The following GCM1 variants were observed in gnomAD, a reference collection of about 807,000 sequenced individuals.
The protein encoded by GCM1 is chorion-specific transcription factor GCMa.
Under a neutral mutation model 25.7 loss-of-function variants are expected in GCM1, and 2 were observed. That is an observed-to-expected ratio of 0.08 (90% CI 0.03 to 0.24). GCM1 has a LOEUF of 0.24. Among genes scored for constraint, GCM1 ranks in the 10% least tolerant of loss-of-function variants. The pLI is 1.00. For synonymous variants in GCM1, 183 were observed against 195.7 expected (o/e 0.94, Z 0.54); for missense variants, 395 against 538.7 (o/e 0.73, Z 2.64).
intron 2 of GCM1, among the ~76,000 whole-genome samples, chr6:53,136,149 C>T (rs1029072226): frequency 6.6e-6 from 1 of 152,244 alleles, no homozygotes; most frequent in African/African-American, 2.4e-5. Context: ...CTGCAGTGTG[C>T]AAACTAGGGC....
At chr6:53,130,982 T>TG (rs756339485) in intron 4 of GCM1, 51 bp from the exon 5 acceptor site, 1 of 1,520,826 alleles carries the variant, frequency 6.6e-7, no homozygotes, top group South Asian at 1.1e-5. Flanking sequence ...CTAACTAGAC[T>TG]GTGTTTCATG....
At chr6:53,139,150 T>C (rs1000053844) in intron 2 of GCM1, among the ~76,000 whole-genome samples, 4 of 152,058 alleles carry the variant, frequency 2.6e-5, no homozygotes, top group African/African-American at 9.7e-5. Context: ...TATTTCTAAA[T>C]AGAACAGGAA....
chr6:53,128,349 G>C lies in GCM1; in HGVS notation c.1168C>G (p.Leu390Val). Residue 390 changes from leucine (L) to valine (V), a missense_variant, in exon 6 of 6, where the codon CTC (leucine) becomes GTC (valine). Physicochemically the swap from Leu to Val is conservative, Grantham distance 32. Coordinates refer to ENST00000259803, the MANE Select transcript of GCM1 (RefSeq NM_003643.4). ...AYHSPQEDPFLFTYASHPHQQ... is the reference protein window; with the variant it reads ...AYHSPQEDPFVFTYASHPHQQ... ...TGAGGATGAGAGGCGTAGGTGAAGA[G>C]AAAGGGGTCTTCTTGAGGTGAATGG... is the stretch of plus-strand genomic sequence containing the variant. 1 of 1,614,060 alleles carries C rather than the reference G, an allele frequency of 6.2e-7. No homozygotes were observed. The highest frequency in any genetic ancestry group is 8.5e-7 in the Non-Finnish European group (1 of 1,179,912).
At chr6:53,134,926 G>A (rs1763777718) in intron 2 of GCM1, among the ~76,000 whole-genome samples, 1 of 152,194 alleles carries the variant, frequency 6.6e-6, no homozygotes. Context: ...GATAAGCAGT[G>A]GGAGGGATGA....
At chr6:53,148,639 A>G (rs769744028) in intron 1 of GCM1, 115 bp downstream of exon 1, 7 of 152,178 alleles carry the variant, frequency 4.6e-5, no homozygotes, top group Non-Finnish European at 8.8e-5. Context: ...AGTATATTCA[A>G]TTTTCATCAT....
rs1316674427 is a variant in GCM1 at position 53,128,190 on chromosome 6, T to C, written c.*16A>G. 4.4e-6 allele frequency: 7 copies of C among 1,592,884 alleles called. No homozygotes were observed. Among genetic ancestry groups the C allele is most frequent in the South Asian group, 1.1e-5 (1 of 90,264 alleles). ...CATTTTTGAGGGGCTGGGGTGCACA[T>C]AGTGAAAGATTTGGGTCATCTCAAA... On this transcript the variant is annotated 3_prime_UTR_variant, in exon 6 of 6. Transcript: ENST00000259803.
At chr6:53,148,581 G>GA (rs1763997991) in intron 1 of GCM1, among the ~76,000 whole-genome samples, 173 bp downstream of exon 1, 2 of 152,254 alleles carry the variant, frequency 1.3e-5, no homozygotes, top group East Asian at 3.9e-4. Context: ...TTCTAGGATT[G>GA]AAAAACTACA....
In GCM1 at chr6:53,128,373, G is replaced by A. The variant is rs767117665; in HGVS notation, c.1144C>T (p.His382Tyr). The A allele has an allele frequency of 1.2e-6, 2 of 1,613,712 alleles. No individual in the cohort carries two copies. The highest frequency in any genetic ancestry group is 4.5e-5 in the East Asian group (2 of 44,876). ...FNSYVQSPAY[H>Y]SPQEDPFLFT... ...AGAAAGGGGTCTTCTTGAGGTGAAT[G>A]GTATGCAGGAGACTGGACGTAGCTG... Residue 382 changes from histidine to tyrosine, a missense_variant, in exon 6 of 6, where the codon CAT (histidine) becomes TAT (tyrosine). His to Tyr is a moderately conservative substitution (Grantham distance 83, BLOSUM62 2). Transcript: ENST00000259803.
At chr6:53,142,265 T>C (rs1291855133) in intron 2 of GCM1, among the ~76,000 whole-genome samples, 2 of 152,110 alleles carry the variant, frequency 1.3e-5, no homozygotes, top group Non-Finnish European at 2.9e-5. Context: ...TTGCATTTGA[T>C]CCTTTAAACC....
chr6:53,135,239 G>A (rs879076678), intron 2 of GCM1, among the ~76,000 whole-genome samples: 1 of 152,124 alleles, frequency 6.6e-6, no homozygotes, highest in Admixed American at 6.6e-5. Flanking sequence ...TAGTTACCAC[G>A]ACTGTACTAT....
chr6:53,130,704 T>C (rs1439164410), intron 5 of GCM1, 99 bp downstream of exon 5: 24 of 929,450 alleles, frequency 2.6e-5, no homozygotes, highest in African/African-American at 1.7e-5. Context: ...CCATGATTTC[T>C]GGCTTTCCTG....
chr6:53,134,013 C>A, intron 3 of GCM1, 59 bp downstream of exon 3: 1 of 1,525,806 alleles, frequency 6.6e-7, no homozygotes, highest in Non-Finnish European at 9.0e-7. Context: ...AGTGACCCAT[C>A]TGGCAGGGGC....
chr6:53,147,425 G>GTT (rs70980807), intron 1 of GCM1, among the ~76,000 whole-genome samples: 5 of 93,538 alleles, frequency 5.3e-5, no homozygotes, highest in African/African-American at 2.0e-4. Context: ...AGTTTTTATT[G>GTT]TTTTTTTTTT....
intron 1 of GCM1, among the ~76,000 whole-genome samples, chr6:53,146,218 T>TATA (rs1562092598): frequency 0.022 from 908 of 40,372 alleles, 3 homozygotes; most frequent in East Asian, 0.052. Context: ...ATATATATAT[T>TATA]TTTTTTTTTT....
chr6:53,131,678 T>C (rs1285401835), intron 4 of GCM1, among the ~76,000 whole-genome samples: 2 of 152,054 alleles, frequency 1.3e-5, no homozygotes. Context: ...AAAGACCGAG[T>C]AAAAAGTCAG....
chr6:53,128,630 G>A lies in GCM1; in HGVS notation c.887C>T (p.Ala296Val), dbSNP rs776398452. The A allele has an allele frequency of 9.3e-6, 15 of 1,613,660 alleles. No individual in the cohort carries two copies. Among genetic ancestry groups the A allele is most frequent in the Non-Finnish European group, 1.2e-5 (14 of 1,179,670 alleles). Reference sequence around the variant, plus strand: ...CCCCAAAGCAGCATTTTTACTCCACGCTTGTAGATCGCCATGATCAGAGTA... The same window carrying A: ...CCCCAAAGCAGCATTTTTACTCCACACTTGTAGATCGCCATGATCAGAGTA... The part of the protein sequence containing the change: ...GVYSDHGDLQ[A>V]WSKNAALGRN... Residue 296 changes from alanine (A) to valine (V), a missense_variant, in exon 6 of 6, where the codon GCG becomes GTG. Ala to Val is a moderately conservative substitution (Grantham distance 64). Around this residue, in one of 5 missense-constraint regions of GCM1, gnomAD observed 291 missense variants for 314.6 expected, o/e 0.92. Coordinates refer to ENST00000259803, the MANE Select transcript of GCM1 (RefSeq NM_003643.4).
Position 53,130,819 on chromosome 6 carries a change from C to T in GCM1, c.554G>A (p.Gly185Glu). The T allele has an allele frequency of 1.2e-6, 2 of 1,613,806 alleles. No individual in the cohort carries two copies. The highest frequency in any genetic ancestry group is 2.2e-5 in the East Asian group (1 of 44,884). Residue 185 changes from glycine to glutamate, a missense_variant, in exon 5 of 6, where the codon GGG becomes GAG. By Grantham distance (98) the Gly-to-Glu change is moderately conservative. This residue lies in a region of GCM1 where 291 missense variants were observed against 314.6 expected (regional missense o/e 0.92). Transcript: ENST00000259803. ...AAGGATTACCCTGGTCTCTGTGCTC[C>T]CCTTCAGGCTCAATGAGACGGAGGA... ...APSSVSLSLKGSTETRSLPGE... is the reference protein window; with the variant it reads ...APSSVSLSLKESTETRSLPGE...
chr6:53,139,516 A>AT (rs1763844393), intron 2 of GCM1, among the ~76,000 whole-genome samples: 2 of 130,608 alleles, frequency 1.5e-5, no homozygotes, highest in Admixed American at 1.6e-4. Flanking sequence ...AAAAAAAAAA[A>AT]GGGGGAATTA....
chr6:53,130,715 C>A, intron 5 of GCM1, 88 bp downstream of exon 5: 1 of 1,081,368 alleles, frequency 9.2e-7, no homozygotes, highest in African/African-American at 1.6e-5. Flanking sequence ...GGCTTTCCTG[C>A]GTCAGCAAGG....
Sources: gnomAD v4.1 joint callset for allele counts (sites outside exome capture counted in the v4.1 genomes callset) on GRCh38, gnomAD v4.1.1 for gene constraint, gnomAD v4.1.1 regional missense constraint, MANE v1.5 for transcripts, NCBI Gene and HGNC (gene_info 2026-07-23, HGNC 2026-07-21) for gene names.